The following NYAP2 variants were observed in gnomAD, a reference collection of about 807,000 sequenced individuals.
NYAP2 encodes neuronal tyrosine-phosphorylated phosphoinositide-3-kinase adaptor 2.
In NYAP2, 23 loss-of-function variants were observed where a neutral mutation model predicts 50.4. The ratio of observed to expected loss-of-function variants is 0.46; its 90% CI spans 0.33 to 0.65. The LOEUF (loss-of-function observed/expected upper bound fraction) is 0.65, where lower values mean the gene tolerates loss of function less well. Among genes scored for constraint, NYAP2 ranks in the 30% least tolerant of loss-of-function variants. The probability of loss-of-function intolerance (pLI) is 0.02; values close to 1 mark genes in which losing one functional copy is unlikely to be tolerated. For missense variants in NYAP2, 885 were observed against 861.0 expected, an observed-to-expected ratio of 1.03 and a Z score of -0.35; for synonymous variants, 394 against 365.2, an observed-to-expected ratio of 1.08 and a Z score of -0.90.
At chr2:225,544,189 A>G (rs1198870984) in intron 4 of NYAP2, among the ~76,000 whole-genome samples, 2 of 149,144 alleles carry the variant, frequency 1.3e-5, no homozygotes, top group Admixed American at 6.7e-5. Flanking sequence ...TATAGGTGAA[A>G]TGTGTTTCTT....
chr2:225,595,466 T>C (rs1466647478), intron 5 of NYAP2, among the ~76,000 whole-genome samples: 1 of 152,204 alleles, frequency 6.6e-6, no homozygotes, highest in Non-Finnish European at 1.5e-5. Context: ...CCAAATTGTG[T>C]CTATATCTAC....
At chr2:225,469,290 A>C (rs1180017815) in intron 3 of NYAP2, among the ~76,000 whole-genome samples, 2 of 152,246 alleles carry the variant, frequency 1.3e-5, no homozygotes, top group African/African-American at 4.8e-5. Flanking sequence ...TTATTAGAGA[A>C]ATGCAAATCA....
At chr2:225,664,896 C>A in the NYAP2 span, among the ~76,000 whole-genome samples, 1 of 151,764 alleles carries the variant, frequency 6.6e-6, no homozygotes, top group African/African-American at 2.4e-5. Context: ...CAAACAAAAA[C>A]CCCCAAAGGT....
At chr2:225,495,914 A>G (rs1690496565) in intron 3 of NYAP2, among the ~76,000 whole-genome samples, 1 of 152,136 alleles carries the variant, frequency 6.6e-6, no homozygotes, top group South Asian at 2.1e-4. Flanking sequence ...GCAAATGATG[A>G]CAGCCCCACC....
At chr2:225,529,019 C>T (rs1691204687) in intron 4 of NYAP2, among the ~76,000 whole-genome samples, 1 of 152,150 alleles carries the variant, frequency 6.6e-6, no homozygotes, top group Admixed American at 6.6e-5. Context: ...TTTGTCTGGC[C>T]TCAAACCTAT....
At chr2:225,635,234 T>C (rs1693391624) in intron 6 of NYAP2, among the ~76,000 whole-genome samples, 1 of 152,334 alleles carries the variant, frequency 6.6e-6, no homozygotes, top group East Asian at 1.9e-4. Flanking sequence ...ACGGTCCTTT[T>C]TGGAAGACCG....
intron 3 of NYAP2, among the ~76,000 whole-genome samples, chr2:225,437,260 C>T (rs1184683362): frequency 6.6e-6 from 1 of 152,060 alleles, no homozygotes; most frequent in Non-Finnish European, 1.5e-5. Flanking sequence ...ATGGCAGTCA[C>T]ATAACTGTTT....
At chr2:225,545,386 A>G (rs1312813833) in intron 4 of NYAP2, among the ~76,000 whole-genome samples, 1 of 151,176 alleles carries the variant, frequency 6.6e-6, no homozygotes, top group Non-Finnish European at 1.5e-5. Flanking sequence ...TTATTCTTTT[A>G]TTTTGTCTCC....
At chr2:225,687,111 T>C in the NYAP2 span, among the ~76,000 whole-genome samples, 1 of 152,270 alleles carries the variant, frequency 6.6e-6, no homozygotes, top group Non-Finnish European at 1.5e-5. Flanking sequence ...ATGTGATATA[T>C]TTAGTCTTGA....
At chr2:225,569,591 A>G (rs1433242052) in intron 4 of NYAP2, among the ~76,000 whole-genome samples, 2 of 152,204 alleles carry the variant, frequency 1.3e-5, no homozygotes, top group Non-Finnish European at 2.9e-5. Flanking sequence ...TAAAATATTA[A>G]TAGGTATACA....
At chr2:225,689,316 T>C in the NYAP2 span, among the ~76,000 whole-genome samples, 11 of 152,204 alleles carry the variant, frequency 7.2e-5, no homozygotes, top group Non-Finnish European at 1.3e-4. Context: ...CTTATTCATT[T>C]ATAACTTTTA....
At chr2:225,463,457 G>A (rs1440148686) in intron 3 of NYAP2, among the ~76,000 whole-genome samples, 1 of 152,230 alleles carries the variant, frequency 6.6e-6, no homozygotes, top group Non-Finnish European at 1.5e-5. Flanking sequence ...CTCTTTTTCA[G>A]GTGCTCCTAC....
intron 3 of NYAP2, among the ~76,000 whole-genome samples, chr2:225,497,423 G>A (rs1264948545): frequency 6.6e-6 from 1 of 152,154 alleles, no homozygotes; most frequent in Non-Finnish European, 1.5e-5. Flanking sequence ...AATGAGGGCT[G>A]GAAGCTGGGT....
the NYAP2 span, among the ~76,000 whole-genome samples, chr2:225,668,011 T>C: frequency 1.1e-4 from 17 of 152,172 alleles, no homozygotes; most frequent in Non-Finnish European, 1.8e-4. Flanking sequence ...TATCATCTAA[T>C]ATAAAGGGAA....
intron 5 of NYAP2, among the ~76,000 whole-genome samples, chr2:225,624,579 G>T (rs1226321090): frequency 6.6e-6 from 1 of 152,128 alleles, no homozygotes; most frequent in African/African-American, 2.4e-5. Flanking sequence ...TCCCAAGCTA[G>T]TTACTGTAGA....
intron 3 of NYAP2, among the ~76,000 whole-genome samples, chr2:225,512,643 TCCTC>T (rs1202864681): frequency 4.0e-5 from 6 of 148,164 alleles, no homozygotes; most frequent in Admixed American, 6.7e-5. Context: ...CTTCCTTCCT[TCCTC>T]CCTCCCTTCC....
intron 3 of NYAP2, among the ~76,000 whole-genome samples, chr2:225,445,014 T>C (rs74754543): frequency 0.13 from 19,767 of 152,188 alleles, 2,413 homozygotes; most frequent in African/African-American, 0.32. Context: ...ATGAGTTATG[T>C]TGCTTTGCAT....
chr2:225,451,389 A>C (rs1036795238), intron 3 of NYAP2, among the ~76,000 whole-genome samples: 1 of 152,222 alleles, frequency 6.6e-6, no homozygotes, highest in Non-Finnish European at 1.5e-5. Context: ...AGGAATGCAA[A>C]TATACCTTTT....
At chr2:225,641,960 T>C (rs192329386) in intron 6 of NYAP2, among the ~76,000 whole-genome samples, 1 of 152,208 alleles carries the variant, frequency 6.6e-6, no homozygotes, top group East Asian at 1.9e-4. Flanking sequence ...GCTTATACTT[T>C]AAAATATTAT....
Sources: gnomAD v4.1 joint callset for allele counts (sites outside exome capture counted in the v4.1 genomes callset) on GRCh38, gnomAD v4.1.1 for gene constraint, MANE v1.5 for transcripts, NCBI Gene and HGNC (gene_info 2026-07-23, HGNC 2026-07-21) for gene names.